The following DNM3 variants were observed in gnomAD, a reference collection of about 807,000 sequenced individuals.
The protein encoded by DNM3 is dynamin-3.
DNM3 carries 47 observed loss-of-function variants against 101.6 expected under a neutral mutation model. That is an observed-to-expected ratio of 0.46 (90% CI 0.37 to 0.59). DNM3 has a LOEUF of 0.59. Ranked by LOEUF, DNM3 falls within the 20% of genes least tolerant of loss-of-function variation. The probability of loss-of-function intolerance (pLI) is 0.00; values close to 1 mark genes in which losing one functional copy is unlikely to be tolerated. For synonymous variants in DNM3, 385 were observed against 387.9 expected (o/e 0.99, Z 0.09); for missense variants, 849 against 1,085.7 (o/e 0.78, Z 3.06).
At chr1:172,319,878 C>T (rs1028724257) in intron 16 of DNM3, among the ~76,000 whole-genome samples, 8 of 152,126 alleles carry the variant, frequency 5.3e-5, no homozygotes, top group African/African-American at 1.9e-4. Context: ...CATCCCATTA[C>T]TGGGTATATA....
intron 9 of DNM3, among the ~76,000 whole-genome samples, chr1:172,045,248 TC>T: frequency 6.6e-6 from 1 of 152,166 alleles, no homozygotes; most frequent in Non-Finnish European, 1.5e-5. Flanking sequence ...TCCATCTTAG[TC>T]TGTTTGGACT....
intron 2 of DNM3, among the ~76,000 whole-genome samples, chr1:171,954,213 G>A (rs1354531397): frequency 1.3e-5 from 2 of 152,068 alleles, no homozygotes; most frequent in Non-Finnish European, 2.9e-5. Context: ...TATTAGCATT[G>A]ATTTAAGAAC....
intron 17 of DNM3, among the ~76,000 whole-genome samples, chr1:172,352,182 C>T (rs1371305303): frequency 2.0e-5 from 3 of 152,166 alleles, no homozygotes; most frequent in African/African-American, 7.2e-5. Context: ...CTACAAATCT[C>T]ACTGTGAGTG....
chr1:172,303,093 G>A (rs2586418), intron 15 of DNM3, among the ~76,000 whole-genome samples: 9,736 of 152,138 alleles, frequency 0.064, 343 homozygotes, highest in Middle Eastern at 0.092. Context: ...CAAGCAAAAG[G>A]AGCATGTTCT....
intron 4 of DNM3, among the ~76,000 whole-genome samples, chr1:172,013,434 T>G (rs987766702): frequency 6.6e-6 from 1 of 152,114 alleles, no homozygotes; most frequent in Admixed American, 6.6e-5. Context: ...TAATAAATAT[T>G]TACTGAGTTC....
intron 2 of DNM3, among the ~76,000 whole-genome samples, chr1:171,942,179 G>A (rs1387030672): frequency 7.9e-6 from 1 of 127,336 alleles, no homozygotes; most frequent in Non-Finnish European, 1.7e-5. Context: ...GATCCAGAAT[G>A]TTTTTAAATG....
intron 17 of DNM3, among the ~76,000 whole-genome samples, chr1:172,371,521 T>A (rs6674018): frequency 0.15 from 22,988 of 152,018 alleles, 2,120 homozygotes; most frequent in Non-Finnish European, 0.2. Context: ...TGAGCACTAC[T>A]ATATGTCTGA....
At chr1:171,852,896 TTTGTTTGTTTGTTTTAAA>T (rs2033144940) in intron 1 of DNM3, among the ~76,000 whole-genome samples, 1 of 152,100 alleles carries the variant, frequency 6.6e-6, no homozygotes, top group African/African-American at 2.4e-5. Context: ...TGTTTGTTTG[TTTGTTTGTTTGTTTTAAA>T]CAGTCTACGA....
intron 1 of DNM3, among the ~76,000 whole-genome samples, chr1:171,859,722 A>G (rs2033978941): frequency 6.6e-6 from 1 of 152,182 alleles, no homozygotes; most frequent in Non-Finnish European, 1.5e-5. Context: ...ATCAGTATGG[A>G]TGCCATGACA....
Position 172,409,205 on chromosome 1 carries a change from T to G in DNM3, c.*1364T>G, listed in dbSNP as rs1462988400. ...CTGTTCCCAGACAGCAGAGCAAGTA[T>G]TCACTGAGTAGGGGTGTCCCATGAC... On this transcript the variant is annotated 3_prime_UTR_variant, in exon 21 of 21. Transcript: ENST00000627582. 3.0e-6 allele frequency: 3 copies of G among 985,356 alleles called. No homozygotes were observed. The highest frequency in any genetic ancestry group is 3.6e-6 in the Non-Finnish European group (3 of 829,890). 61.0% of individuals were successfully genotyped at this position (985,356 alleles called of 1,614,324 possible). A position where few individuals can be genotyped will look rare whatever the true frequency, so the allele number is the denominator to read the frequency against.
At chr1:172,228,018 G>A (rs1374618122) in intron 14 of DNM3, among the ~76,000 whole-genome samples, 1 of 151,966 alleles carries the variant, frequency 6.6e-6, no homozygotes, top group Non-Finnish European at 1.5e-5. Context: ...CTATTAGGGT[G>A]TTTATTTTTT....
At chr1:172,044,354 G>T in intron 8 of DNM3, 31 bp from the exon 9 acceptor site, 1 of 1,574,846 alleles carries the variant, frequency 6.3e-7, no homozygotes, top group Non-Finnish European at 8.7e-7. Context: ...GGAATTAAGT[G>T]TCATAACTAT....
intron 20 of DNM3, among the ~76,000 whole-genome samples, chr1:172,392,026 C>A (rs2069567106): frequency 1.3e-5 from 2 of 152,166 alleles, no homozygotes; most frequent in African/African-American, 4.8e-5. Flanking sequence ...TGTACAGAAA[C>A]CATGAGTGTT....
chr1:171,882,461 A>ACACG (rs767901493), intron 1 of DNM3, among the ~76,000 whole-genome samples: 14 of 145,768 alleles, frequency 9.6e-5, no homozygotes, highest in African/African-American at 3.0e-4. Context: ...ACACACACAC[A>ACACG]CACGCACCAT....
chr1:171,842,718 A>C (rs2031460984), intron 1 of DNM3, among the ~76,000 whole-genome samples: 1 of 152,084 alleles, frequency 6.6e-6, no homozygotes, highest in South Asian at 2.1e-4. Flanking sequence ...TCTGAATCTA[A>C]ATTGTAGCTG....
At position 172,408,283 on chromosome 1, in the gene DNM3, TAA is replaced by T; in HGVS notation, c.*443_*444del. On this transcript the variant is annotated 3_prime_UTR_variant, in exon 21 of 21. Transcript: ENST00000627582. ...TGACAGTAATTCTGTTGTCTACCAT[TAA>T]TGCTACTACCTACTCCATAATTGCC... 1.0e-6 allele frequency: 1 copy of T among 989,320 alleles called. No homozygotes were observed. The highest frequency in any genetic ancestry group is 4.6e-5 in the South Asian group (1 of 21,528). 61.3% of individuals were successfully genotyped at this position (989,320 alleles called of 1,614,324 possible).
At chr1:171,921,931 G>T (rs962311361) in intron 2 of DNM3, 110 bp downstream of exon 2, 1 of 868,026 alleles carries the variant, frequency 1.2e-6, no homozygotes, top group Non-Finnish European at 1.8e-6. Context: ...GCCCCACTGT[G>T]GGCAGCTGCC....
Position 172,388,629 on chromosome 1 carries a change from C to T in DNM3, c.2342C>T (p.Ala781Val). The T allele has an allele frequency of 2.5e-6, 4 of 1,614,042 alleles. No individual in the cohort carries two copies. The highest frequency in any genetic ancestry group is 1.6e-4 in the Middle Eastern group (1 of 6,062). ...AGGCCAACACTAAGTGCTCCCCTCG[C>T]AAGGCCCACATCCGGCCGAGGACCA... ...QRRPTLSAPL[A>V]RPTSGRGPAP... The change falls in exon 20 of 21, where the codon GCA becomes GTA. Residue 781 changes from alanine to valine, a missense_variant. Physicochemically the swap from Ala to Val is moderately conservative, Grantham distance 64. Transcript: ENST00000627582.
chr1:172,389,134 CTG>C (rs1306012655), intron 20 of DNM3: 1 of 343,216 alleles, frequency 2.9e-6, no homozygotes, highest in Non-Finnish European at 5.4e-6. Context: ...TTGTAGCAAG[CTG>C]TGTGTTCTAT....
Sources: allele counts gnomAD v4.1 joint callset (sites outside exome capture counted in the v4.1 genomes callset), GRCh38; gene constraint gnomAD v4.1.1; transcripts MANE v1.5; gene names NCBI Gene and HGNC (gene_info 2026-07-23, HGNC 2026-07-21).